SWT1: variants seen among roughly 807,000 people sequenced by gnomAD.
SWT1 encodes transcriptional protein SWT1.
In SWT1, 33 loss-of-function variants were observed where a neutral mutation model predicts 107.3. The ratio of observed to expected loss-of-function variants is 0.31; its 90% CI spans 0.23 to 0.41. SWT1 has a LOEUF of 0.41. SWT1 is among the 10% of genes least tolerant of loss of function. The pLI is 1.00. For synonymous variants in SWT1, 345 were observed against 348.3 expected, an observed-to-expected ratio of 0.99 and a Z score of 0.11; for missense variants, 898 against 1,028.9, an observed-to-expected ratio of 0.87 and a Z score of 1.74.
chr1:185,265,036 CCCA>C (rs1027740173), intron 16 of SWT1, among the ~76,000 whole-genome samples: 135 of 152,162 alleles, frequency 8.9e-4, no homozygotes, highest in African/African-American at 3.1e-3. Context: ...TCTTCCTATT[CCCA>C]CCACCAACTT....
At chr1:185,289,205 A>G (rs1008248642) in intron 18 of SWT1, among the ~76,000 whole-genome samples, 1 of 152,242 alleles carries the variant, frequency 6.6e-6, no homozygotes, top group East Asian at 1.9e-4. Context: ...AATACCATCA[A>G]TTATGATTAG....
intron 16 of SWT1, among the ~76,000 whole-genome samples, chr1:185,244,668 T>C (rs1661479620): frequency 6.6e-6 from 1 of 152,198 alleles, no homozygotes; most frequent in South Asian, 2.1e-4. Context: ...CTCCACTCAA[T>C]TAAAAAATGT....
chr1:185,168,675 C>T (rs1454310944), intron 4 of SWT1, among the ~76,000 whole-genome samples: 2 of 152,076 alleles, frequency 1.3e-5, no homozygotes, highest in East Asian at 1.9e-4. Context: ...TTGTAACATG[C>T]GTAACTTCAT....
At chr1:185,221,226 T>C (rs1296859289) in intron 14 of SWT1, among the ~76,000 whole-genome samples, 2 of 152,248 alleles carry the variant, frequency 1.3e-5, no homozygotes, top group African/African-American at 4.8e-5. Flanking sequence ...GCATGCATTT[T>C]ATTTTTCTTT....
intron 18 of SWT1, among the ~76,000 whole-genome samples, chr1:185,282,033 G>A (rs1307001435): frequency 6.6e-6 from 1 of 152,154 alleles, no homozygotes; most frequent in Non-Finnish European, 1.5e-5. Flanking sequence ...GTGAGTTGAG[G>A]ATGTAATAGT....
Position 185,245,482 on chromosome 1 carries a change from G to C in SWT1, c.2441+13774G>C, listed in dbSNP as rs374759870. Among the ~76,000 whole-genome samples the C allele has an allele frequency of 6.6e-5, 10 of 152,190 alleles. No individual in the cohort carries two copies. In the East Asian group the frequency reaches 1.2e-3, roughly 18 times the overall value. ...TCTTTTTAGTTAACTTTTTTAATAA[G>C]TAGAAGGAATATACCCTAAAATAAT... is the stretch of plus-strand genomic sequence containing the variant. On this transcript the variant is annotated intron_variant, in intron 16 of 18. Transcript: ENST00000367500.
intron 16 of SWT1, among the ~76,000 whole-genome samples, chr1:185,267,200 C>T (rs1297456661): frequency 2.0e-5 from 3 of 152,184 alleles, no homozygotes; most frequent in Non-Finnish European, 2.9e-5. Flanking sequence ...ATTTATTGAG[C>T]ATGTACCGTG....
chr1:185,252,100 C>T (rs1473268570), intron 16 of SWT1, among the ~76,000 whole-genome samples: 6 of 151,042 alleles, frequency 4.0e-5, no homozygotes, highest in Middle Eastern at 3.4e-3. Flanking sequence ...CAATTTCATC[C>T]GGACATGAAC....
intron 18 of SWT1, among the ~76,000 whole-genome samples, chr1:185,290,080 T>C (rs1665159896): frequency 6.6e-6 from 1 of 151,690 alleles, no homozygotes; most frequent in Non-Finnish European, 1.5e-5. Context: ...CAGGGCAACA[T>C]AGTGAGACCC....
intron 16 of SWT1, among the ~76,000 whole-genome samples, chr1:185,246,747 G>A (rs1196078574): frequency 1.3e-5 from 2 of 149,172 alleles, no homozygotes; most frequent in Non-Finnish European, 3.0e-5. Context: ...CTCCTGCCTC[G>A]GCCTCCTGAG....
chr1:185,248,541 C>T (rs965903265), intron 16 of SWT1, among the ~76,000 whole-genome samples: 2 of 152,128 alleles, frequency 1.3e-5, no homozygotes, highest in Non-Finnish European at 2.9e-5. Flanking sequence ...ATTGTTTACA[C>T]ACCCTATTTA....
intron 15 of SWT1, among the ~76,000 whole-genome samples, chr1:185,224,816 T>A: frequency 6.6e-6 from 1 of 152,204 alleles, no homozygotes; most frequent in East Asian, 1.9e-4. Flanking sequence ...ATTAGTATCC[T>A]GCAACTTTAT....
chr1:185,207,850 A>T (rs1189159497), intron 13 of SWT1, among the ~76,000 whole-genome samples: 4 of 152,160 alleles, frequency 2.6e-5, no homozygotes, highest in Non-Finnish European at 4.4e-5. Flanking sequence ...GCAGTGAGCC[A>T]AGATGGTGCC....
intron 16 of SWT1, among the ~76,000 whole-genome samples, chr1:185,251,901 G>A (rs983116492): frequency 1.3e-5 from 2 of 151,548 alleles, no homozygotes; most frequent in African/African-American, 2.4e-5. Flanking sequence ...CCACTAACTC[G>A]TCATCTAGCA....
In SWT1 at chr1:185,240,431, C is replaced by A. The variant is rs578145634; in HGVS notation, c.2441+8723C>A. 2.6e-5 allele frequency among the ~76,000 whole-genome samples: 4 copies of A among 152,018 alleles called. No homozygotes were observed. In the East Asian group the frequency reaches 7.7e-4, roughly 29 times the overall value. Reference sequence around the variant, plus strand: ...GGTGGGAAAGAGGCAGAGGGAATTTCTATTCCTTATAAATAGGTGCATTTT... The same window carrying A: ...GGTGGGAAAGAGGCAGAGGGAATTTATATTCCTTATAAATAGGTGCATTTT... On this transcript the variant is annotated intron_variant, in intron 16 of 18. Coordinates refer to ENST00000367500, the MANE Select transcript of SWT1 (RefSeq NM_017673.7).
intron 16 of SWT1, among the ~76,000 whole-genome samples, chr1:185,240,105 G>A (rs1197194955): frequency 6.6e-6 from 1 of 152,022 alleles, no homozygotes; most frequent in Non-Finnish European, 1.5e-5. Context: ...CTGTTTCTGT[G>A]AAATAGATGA....
intron 16 of SWT1, among the ~76,000 whole-genome samples, chr1:185,242,249 G>A (rs1181866679): frequency 1.3e-5 from 2 of 152,106 alleles, no homozygotes; most frequent in Non-Finnish European, 1.5e-5. Context: ...AATGTAATAT[G>A]TAATAAAATT....
intron 15 of SWT1, among the ~76,000 whole-genome samples, chr1:185,229,037 T>C (rs1660304651): frequency 6.6e-6 from 1 of 152,144 alleles, no homozygotes; most frequent in South Asian, 2.1e-4. Flanking sequence ...GGGCTTTTAC[T>C]CTTAGCAAAA....
At chr1:185,178,905 A>T (rs1428068715) in intron 5 of SWT1, among the ~76,000 whole-genome samples, 1 of 152,196 alleles carries the variant, frequency 6.6e-6, no homozygotes, top group East Asian at 1.9e-4. Context: ...TTTCCCAGTA[A>T]AGCATTTAGC....
Sources: allele counts gnomAD v4.1 joint callset (sites outside exome capture counted in the v4.1 genomes callset), GRCh38; gene constraint gnomAD v4.1.1; transcripts MANE v1.5; gene names NCBI Gene and HGNC (gene_info 2026-07-23, HGNC 2026-07-21).